Variants in SMG8 observed in about 807,000 individuals in gnomAD.
SMG8 encodes nonsense-mediated mRNA decay factor SMG8.
A neutral mutation model predicts 82.1 loss-of-function variants in SMG8; 49 were observed. The observed-to-expected ratio is 0.60, with a 90% confidence interval of 0.47 to 0.76. The LOEUF is 0.76. SMG8 is among the 30% of genes least tolerant of loss of function. The pLI, the probability that SMG8 is intolerant of heterozygous loss-of-function variation, is 0.00. For synonymous variants in SMG8, 404 were observed against 430.0 expected, an observed-to-expected ratio of 0.94 and a Z score of 0.75; for missense variants, 969 against 1,166.4, an observed-to-expected ratio of 0.83 and a Z score of 2.46.
intron 2 of SMG8, 23 bp from the exon 3 acceptor site, chr17:59,212,706 A>ATTTTT (rs755042036): frequency 1.3e-6 from 2 of 1,558,510 alleles, no homozygotes; most frequent in Non-Finnish European, 1.7e-6. Flanking sequence ...AACTTACTGG[A>ATTTTT]TTTTTTTTCT....
Position 59,214,785 on chromosome 17 carries a change from A to G in SMG8, c.2779-20A>G, listed in dbSNP as rs762506967. On this transcript the variant is annotated intron_variant, in intron 3 of 3. Transcript: ENST00000300917. ...CATATTGAGAAATGTGAAAATAATT[A>G]TACTACCTGTGTTTTTCAGGTTCAG... is the stretch of plus-strand genomic sequence containing the variant. 4.6e-6 allele frequency: 4 copies of G among 870,106 alleles called. No individual in the cohort carries two copies. The highest frequency in any genetic ancestry group is 8.0e-6 in the Non-Finnish European group (4 of 500,400). The allele number at this position is 870,106 out of a possible 1,614,324, so 53.9% of individuals were successfully genotyped here.
rs1385987812 is a variant in SMG8 at position 59,211,489 on chromosome 17, A to G, written c.1438A>G (p.Ser480Gly). 5.0e-6 allele frequency: 8 copies of G among 1,613,824 alleles called. No homozygotes were observed. Among genetic ancestry groups the G allele is most frequent in the Non-Finnish European group, 6.8e-6 (8 of 1,179,990 alleles). Residue 480 changes from serine to glycine, a missense_variant, in exon 1 of 4, where the codon AGC becomes GGC. By Grantham distance (56) the Ser-to-Gly change is moderately conservative (BLOSUM62 0). This residue lies in a region of SMG8 where 662 missense variants were observed against 884.8 expected (regional missense o/e 0.75). Coordinates refer to ENST00000300917, the MANE Select transcript of SMG8 (RefSeq NM_018149.7). ...PTGELTSKIL[S>G]SIKVLEGFLD... ...TGGAGAGCTAACATCTAAGATTTTA[A>G]GCAGTATTAAAGTCTTGGAAGGATT...
At position 59,210,545 on chromosome 17, in the gene SMG8, C is replaced by T; in HGVS notation, c.494C>T (p.Ala165Val). 1 of 1,566,244 alleles carries T rather than the reference C, an allele frequency of 6.4e-7. No homozygotes were observed. The highest frequency in any genetic ancestry group is 1.2e-5 in the South Asian group (1 of 82,178). Reference protein sequence around the residue: ...SICDNSQLLRACRALQSGEAG... With the variant: ...SICDNSQLLRVCRALQSGEAG... ...TGTGACAATTCACAGCTTCTCCGGG[C>T]TTGTCGGGCTCTTCAGAGCGGGGAA... Residue 165 changes from alanine to valine, a missense_variant, in exon 1 of 4, where the codon GCT (alanine) becomes GTT (valine). By Grantham distance (64) the Ala-to-Val change is moderately conservative. Around this residue, in one of 3 missense-constraint regions of SMG8, gnomAD observed 662 missense variants for 884.8 expected, o/e 0.75. Transcript: ENST00000300917.
Position 59,212,859 on chromosome 17 carries a change from TTAAAGAAA to T in SMG8, c.2037_2044del (p.Lys680ArgfsTer23), listed in dbSNP as rs1286174291. On this transcript the variant is annotated frameshift_variant, in exon 3 of 4. Transcript: ENST00000300917. LOFTEE classifies it high-confidence loss of function. ...CCTCCAGATTCGGATGCTGATAAAC[TTAAAGAAA>T]AAGAACCTCAAACCCAAGGAGAGAG... 6.2e-7 allele frequency: 1 copy of T among 1,614,006 alleles called. No individual in the cohort carries two copies.
In SMG8 at chr17:59,212,709, T is replaced by C. The variant is rs1597951804; in HGVS notation, c.1906-20T>C. ...TTTAAAATGAAAAACTTACTGGATTTTTTTTCTTACCCTCTATAGCTTCTG... is the reference window on the plus strand; with the variant it reads ...TTTAAAATGAAAAACTTACTGGATTCTTTTTCTTACCCTCTATAGCTTCTG... On this transcript the variant is annotated intron_variant, in intron 2 of 3. Transcript: ENST00000300917. 2 of 1,560,804 alleles carry C rather than the reference T, an allele frequency of 1.3e-6. No homozygotes were observed. Among genetic ancestry groups the C allele is most frequent in the Non-Finnish European group, 1.7e-6 (2 of 1,160,434 alleles).
Position 59,214,080 on chromosome 17 carries a change from C to T in SMG8, c.2778+479C>T, listed in dbSNP as rs1007312999. Among the ~76,000 whole-genome samples, 8 of 152,026 alleles carry T rather than the reference C, an allele frequency of 5.3e-5. No individual in the cohort carries two copies. The East Asian group carries it at 1.4e-3, about 26-fold the overall frequency. On this transcript the variant is annotated intron_variant, in intron 3 of 3. Transcript: ENST00000300917. ...GGCGGATCACCTGAAGTCAGGAGTTCGAGACAAGCCTGGGCAACATGGCGA... is the reference window on the plus strand; with the variant it reads ...GGCGGATCACCTGAAGTCAGGAGTTTGAGACAAGCCTGGGCAACATGGCGA...
rs139679273 is a variant in SMG8 at position 59,212,892 on chromosome 17, G to C, written c.2069G>C (p.Ser690Thr). 1.9e-6 allele frequency: 3 copies of C among 1,614,002 alleles called. No individual in the cohort carries two copies. Among genetic ancestry groups the C allele is most frequent in the Non-Finnish European group, 1.7e-6 (2 of 1,180,052 alleles). ...KEKEPQTQGE[S>T]TSLSLALSLG... ...AAAGAACCTCAAACCCAAGGAGAGA[G>C]CACGAGCCTGAGTTTAGCTTTGAGT... The change falls in exon 3 of 4, where the codon AGC becomes ACC. Residue 690 changes from serine (S) to threonine (T), a missense_variant. Physicochemically the swap from Ser to Thr is moderately conservative, Grantham distance 58. Around this residue, in one of 3 missense-constraint regions of SMG8, gnomAD observed 662 missense variants for 884.8 expected, o/e 0.75. Transcript: ENST00000300917.
Position 59,210,430 on chromosome 17 carries a change from C to A in SMG8, c.379C>A (p.Arg127=). 6.2e-7 allele frequency: 1 copy of A among 1,610,076 alleles called. No individual in the cohort carries two copies. Among genetic ancestry groups the A allele is most frequent in the Non-Finnish European group, 8.5e-7 (1 of 1,178,414 alleles). The change falls in exon 1 of 4, where the codon CGA becomes AGA. Residue 127 remains arginine (R), a synonymous_variant. Transcript: ENST00000300917. ...RGSGAVAEGN[R]TEAGSQDYSL... The stretch of plus-strand genomic sequence containing the variant: ...AAGTGGAGCTGTCGCGGAAGGTAAC[C>A]GAACTGAGGCAGGCTCCCAGGACTA...
In SMG8 at chr17:59,210,643, C is replaced by G; in HGVS notation, c.592C>G (p.Leu198Val). The stretch of plus-strand genomic sequence containing the variant: ...GAAGCATCAAGAGAAGCTGCAGTGC[C>G]TCAGTCTCCTTTACCTATTCTCTGT... ...FWKHQEKLQC[L>V]SLLYLFSVCH... Residue 198 changes from leucine to valine, a missense_variant, in exon 1 of 4, where the codon CTC becomes GTC. This residue lies in a region of SMG8 where 662 missense variants were observed against 884.8 expected (regional missense o/e 0.75). Transcript: ENST00000300917. 1 of 1,613,536 alleles carries G rather than the reference C, an allele frequency of 6.2e-7. No individual in the cohort carries two copies. Among genetic ancestry groups the G allele is most frequent in the Non-Finnish European group, 8.5e-7 (1 of 1,179,752 alleles).
chr17:59,214,773 G>A (rs372421121), intron 3 of SMG8, 32 bp from the exon 4 acceptor site: 81 of 864,920 alleles, frequency 9.4e-5, no homozygotes, highest in Non-Finnish European at 1.5e-4. Flanking sequence ...ATTGAGAAAT[G>A]TGAAAATAAT....
At position 59,212,972 on chromosome 17, in the gene SMG8, G is replaced by A. The variant is rs771233208; in HGVS notation, c.2149G>A (p.Gly717Arg). The change falls in exon 3 of 4, where the codon GGA becomes AGA. Residue 717 changes from glycine (G) to arginine (R), a missense_variant. Around this residue, in one of 3 missense-constraint regions of SMG8, gnomAD observed 662 missense variants for 884.8 expected, o/e 0.75. Coordinates refer to ENST00000300917, the MANE Select transcript of SMG8 (RefSeq NM_018149.7). ...GTYPADPQAGGDNPEVHGQVE... is the reference protein window; with the variant it reads ...GTYPADPQAGRDNPEVHGQVE... ...CTATCCAGCTGATCCACAAGCAGGA[G>A]GAGATAATCCAGAAGTTCATGGTCA... The A allele has an allele frequency of 6.2e-7, 1 of 1,614,144 alleles. No individual in the cohort carries two copies. Among genetic ancestry groups the A allele is most frequent in the Non-Finnish European group, 8.5e-7 (1 of 1,180,038 alleles).
In SMG8 at chr17:59,214,895, C is replaced by T. The variant is rs1362595003; in HGVS notation, c.2869C>T (p.Pro957Ser). The change falls in exon 4 of 4, where the codon CCT (proline) becomes TCT (serine). Residue 957 changes from proline to serine, a missense_variant. Pro to Ser is a moderately conservative substitution (Grantham distance 74). Coordinates refer to ENST00000300917, the MANE Select transcript of SMG8 (RefSeq NM_018149.7). ...TGATGGCCTTTGGGTTTTGAGATTTCCTTATGCATATGTGACTGAGAGAGG... is the reference window on the plus strand; with the variant it reads ...TGATGGCCTTTGGGTTTTGAGATTTTCTTATGCATATGTGACTGAGAGAGG... ...PPDGLWVLRF[P>S]YAYVTERGPC... 1 of 872,794 alleles carries T rather than the reference C, an allele frequency of 1.1e-6. No individual in the cohort carries two copies. The highest frequency in any genetic ancestry group is 1.6e-5 in the African/African-American group (1 of 61,298). The allele number at this position is 872,794 out of a possible 1,614,324, so 54.1% of individuals were successfully genotyped here. A position where few individuals can be genotyped will look rare whatever the true frequency, so the allele number is the denominator to read the frequency against.
rs781627028 is a variant in SMG8 at position 59,211,657 on chromosome 17, A to G, written c.1606A>G (p.Ser536Gly). 1.9e-6 allele frequency: 3 copies of G among 1,614,036 alleles called. No individual in the cohort carries two copies. Among genetic ancestry groups the G allele is most frequent in the Non-Finnish European group, 2.5e-6 (3 of 1,180,000 alleles). Residue 536 changes from serine (S) to glycine (G), a missense_variant, in exon 1 of 4, where the codon AGT (serine) becomes GGT (glycine). Physicochemically the swap from Ser to Gly is moderately conservative, Grantham distance 56. This residue lies in a region of SMG8 where 662 missense variants were observed against 884.8 expected (regional missense o/e 0.75). Coordinates refer to ENST00000300917, the MANE Select transcript of SMG8 (RefSeq NM_018149.7). ...GCTTGCCCAGGCTCTTCGAGTGTAC[A>G]GTCAACATGCTAGAGGTCCAGCATT... ...NQLAQALRVY[S>G]QHARGPAFHK...
At position 59,210,134 on chromosome 17, in the gene SMG8, C is replaced by T; in HGVS notation, c.83C>T (p.Thr28Ile). ...TCTGAAAGTCCCGGAGGGTCCCCTACTGAGGGCGGAGGGAGCGCGGCTGGC... is the reference window on the plus strand; with the variant it reads ...TCTGAAAGTCCCGGAGGGTCCCCTATTGAGGGCGGAGGGAGCGCGGCTGGC... ...MGSESPGGSP[T>I]EGGGSAAGGP... The change falls in exon 1 of 4, where the codon ACT becomes ATT. Residue 28 changes from threonine to isoleucine, a missense_variant. Thr to Ile is a moderately conservative substitution (Grantham distance 89). Transcript: ENST00000300917. The T allele has an allele frequency of 6.3e-7, 1 of 1,587,532 alleles. No homozygotes were observed. Among genetic ancestry groups the T allele is most frequent in the Non-Finnish European group, 8.6e-7 (1 of 1,168,448 alleles).
Position 59,215,089 on chromosome 17 carries a change from T to C in SMG8, c.*87T>C. 1 of 759,078 alleles carries C rather than the reference T, an allele frequency of 1.3e-6. No homozygotes were observed. Among genetic ancestry groups the C allele is most frequent in the Non-Finnish European group, 2.3e-6 (1 of 437,066 alleles). 47.0% of individuals were successfully genotyped at this position (759,078 alleles called of 1,614,324 possible). On this transcript the variant is annotated 3_prime_UTR_variant, in exon 4 of 4. Transcript: ENST00000300917. ...GTGTTTTTGGTATGTGTTTACTGTG[T>C]TTTCCCAAATCCAAAATGTGTTTTG...
In SMG8 at chr17:59,211,180, A is replaced by C. The variant is rs142306397; in HGVS notation, c.1129A>C (p.Arg377=). The C allele has an allele frequency of 1.6e-4, 253 of 1,614,218 alleles. 3 individuals are homozygous for C. The African/African-American group carries it at 2.9e-3, about 19-fold the overall frequency. Residue 377 remains arginine, a synonymous_variant, in exon 1 of 4, where the codon AGG becomes CGG. Coordinates refer to ENST00000300917, the MANE Select transcript of SMG8 (RefSeq NM_018149.7). ...LLVPAPLSGP[R]RYQVMRQHSR... The stretch of plus-strand genomic sequence containing the variant: ...GGTGCCTGCACCCCTTTCTGGGCCT[A>C]GGCGATACCAGGTGATGAGGCAGCA...
In SMG8 at chr17:59,210,678, C is replaced by A; in HGVS notation, c.627C>A (p.Ile209=). The change falls in exon 1 of 4, where the codon ATC becomes ATA. Residue 209 remains isoleucine (I), a synonymous_variant. Transcript: ENST00000300917. ...SLLYLFSVCH[I]LLLVHPTCSF... Reference sequence around the variant, plus strand: ...TTTACCTATTCTCTGTCTGTCATATCTTGCTTCTGGTCCATCCCACTTGTT... The same window carrying A: ...TTTACCTATTCTCTGTCTGTCATATATTGCTTCTGGTCCATCCCACTTGTT... The A allele has an allele frequency of 6.2e-7, 1 of 1,614,136 alleles. No homozygotes were observed. Among genetic ancestry groups the A allele is most frequent in the Non-Finnish European group, 8.5e-7 (1 of 1,180,014 alleles).
At position 59,211,214 on chromosome 17, in the gene SMG8, A is replaced by G; in HGVS notation, c.1163A>G (p.Gln388Arg). ...CAGGTGATGAGGCAGCACAGCCGAC[A>G]ACAACTTTCCTTTCACATTGACAGC... ...RYQVMRQHSR[Q>R]QLSFHIDSSS... Residue 388 changes from glutamine to arginine, a missense_variant, in exon 1 of 4, where the codon CAA (glutamine) becomes CGA (arginine). By Grantham distance (43) the Gln-to-Arg change is conservative. Around this residue, in one of 3 missense-constraint regions of SMG8, gnomAD observed 662 missense variants for 884.8 expected, o/e 0.75. Transcript: ENST00000300917. 1.2e-6 allele frequency: 2 copies of G among 1,609,710 alleles called. No homozygotes were observed. Among genetic ancestry groups the G allele is most frequent in the East Asian group, 2.2e-5 (1 of 44,892 alleles).
chr17:59,211,913 G>A (rs2046947449), intron 1 of SMG8, 103 bp downstream of exon 1: 1 of 1,088,738 alleles, frequency 9.2e-7, no homozygotes, highest in Non-Finnish European at 1.2e-6. Flanking sequence ...TTTAGAAAGA[G>A]CCCTACAGAA....
Sources: allele counts gnomAD v4.1 joint callset (sites outside exome capture counted in the v4.1 genomes callset), GRCh38; gene constraint gnomAD v4.1.1; regional missense constraint gnomAD v4.1.1; transcripts MANE v1.5; gene names NCBI Gene and HGNC (gene_info 2026-07-23, HGNC 2026-07-21).